Variants in PRKG1 observed in about 807,000 individuals in gnomAD.
PRKG1 encodes cGMP-dependent protein kinase 1.
Under a neutral mutation model 88.1 loss-of-function variants are expected in PRKG1, and 35 were observed. That is an observed-to-expected ratio of 0.40 (90% confidence interval 0.30 to 0.53). The LOEUF (loss-of-function observed/expected upper bound fraction) is 0.53, where lower values mean the gene tolerates loss of function less well. Ranked by LOEUF, PRKG1 falls within the 20% of genes least tolerant of loss-of-function variation. The pLI is 0.59. For missense variants in PRKG1, 540 were observed against 839.8 expected (o/e 0.64, Z 4.41); for synonymous variants, 303 against 292.5 (o/e 1.04, Z -0.37).
intron 9 of PRKG1, among the ~76,000 whole-genome samples, chr10:52,191,463 T>A (rs879322262): frequency 6.6e-6 from 1 of 152,052 alleles, no homozygotes; most frequent in Non-Finnish European, 1.5e-5. Context: ...CCACTGAACA[T>A]GGCCTGGGTT....
At chr10:51,441,145 A>C (rs1839092810) in intron 2 of PRKG1, among the ~76,000 whole-genome samples, 1 of 151,826 alleles carries the variant, frequency 6.6e-6, no homozygotes, top group Non-Finnish European at 1.5e-5. Flanking sequence ...TTGGTGTTGG[A>C]TGGTGACCAT....
chr10:52,024,327 T>A (rs1216676230), intron 5 of PRKG1, among the ~76,000 whole-genome samples: 2 of 149,126 alleles, frequency 1.3e-5, no homozygotes, highest in Non-Finnish European at 3.0e-5. Context: ...CTTTTTTTTT[T>A]ATTCTTTTTT....
chr10:51,152,751 T>C (rs555023949), intron 1 of PRKG1, among the ~76,000 whole-genome samples: 82 of 152,148 alleles, frequency 5.4e-4, no homozygotes, highest in Admixed American at 1.4e-3. Context: ...CTTTTATAAA[T>C]ATAAACAGTA....
intron 4 of PRKG1, among the ~76,000 whole-genome samples, chr10:51,872,106 C>T (rs765369963): frequency 7.9e-5 from 12 of 152,278 alleles, no homozygotes; most frequent in East Asian, 3.9e-4. Context: ...ACTTCATCTC[C>T]GCCTCTCCTC....
At chr10:51,127,967 G>A (rs1450546493) in intron 1 of PRKG1, among the ~76,000 whole-genome samples, 2 of 152,022 alleles carry the variant, frequency 1.3e-5, no homozygotes, top group African/African-American at 2.4e-5. Context: ...CAGGGGTGGG[G>A]GGCAAGGGAA....
At chr10:51,185,817 CCTT>C (rs1837470409) in intron 2 of PRKG1, among the ~76,000 whole-genome samples, 1 of 151,122 alleles carries the variant, frequency 6.6e-6, no homozygotes, top group South Asian at 2.1e-4. Flanking sequence ...TTCTATGTAT[CCTT>C]CTCTCTCATT....
At chr10:51,460,083 A>G (rs10740276) in intron 2 of PRKG1, among the ~76,000 whole-genome samples, 30,591 of 151,944 alleles carry the variant, frequency 0.2, 3,294 homozygotes, top group Admixed American at 0.32. Flanking sequence ...TGGGGGCACT[A>G]TCTTCTGCAT....
chr10:51,962,895 G>A (rs1437275841), intron 5 of PRKG1, among the ~76,000 whole-genome samples: 1 of 152,190 alleles, frequency 6.6e-6, no homozygotes, highest in Non-Finnish European at 1.5e-5. Flanking sequence ...GGTGAGATGA[G>A]TGGGGGAAAT....
At chr10:52,279,756 C>T (rs1227022438) in intron 12 of PRKG1, among the ~76,000 whole-genome samples, 1 of 152,058 alleles carries the variant, frequency 6.6e-6, no homozygotes, top group Admixed American at 6.6e-5. Context: ...AATAAAATCA[C>T]TTGTGTGCTT....
At chr10:52,230,527 C>T (rs574544274) in intron 9 of PRKG1, among the ~76,000 whole-genome samples, 65 of 152,278 alleles carry the variant, frequency 4.3e-4, no homozygotes, top group Admixed American at 7.2e-4. Flanking sequence ...AATTAAGTAG[C>T]TTGTTTAGGT....
chr10:51,214,714 G>A (rs1838324566), intron 2 of PRKG1, among the ~76,000 whole-genome samples: 1 of 151,990 alleles, frequency 6.6e-6, no homozygotes, highest in African/African-American at 2.4e-5. Context: ...CTGAGCTCAA[G>A]CAGTCCTCCC....
chr10:51,723,542 A>G (rs1360987853), intron 3 of PRKG1, among the ~76,000 whole-genome samples: 1 of 152,190 alleles, frequency 6.6e-6, no homozygotes, highest in Non-Finnish European at 1.5e-5. Flanking sequence ...TGATGGGTGC[A>G]GCAAACCACC....
At chr10:52,135,365 C>T (rs1475379830) in intron 8 of PRKG1, among the ~76,000 whole-genome samples, 2 of 152,066 alleles carry the variant, frequency 1.3e-5, no homozygotes, top group African/African-American at 4.8e-5. Flanking sequence ...CACTGGTTCA[C>T]TGAGAAAATT....
intron 3 of PRKG1, among the ~76,000 whole-genome samples, chr10:51,755,920 C>A (rs1022413107): frequency 6.6e-6 from 1 of 152,192 alleles, no homozygotes; most frequent in Non-Finnish European, 1.5e-5. Context: ...GAAGCCAACC[C>A]ATTTCTTCTT....
intron 2 of PRKG1, chr10:51,319,891 A>T (rs747279715): frequency 1.8e-5 from 3 of 163,696 alleles, no homozygotes; most frequent in South Asian, 1.8e-4. Context: ...CAGGAAGTGG[A>T]CAGGGTGACT....
chr10:51,449,965 A>G (rs1357806775), intron 2 of PRKG1, among the ~76,000 whole-genome samples: 1 of 151,972 alleles, frequency 6.6e-6, no homozygotes, highest in Admixed American at 6.6e-5. Flanking sequence ...ATCTGGAAAC[A>G]CAGAAAAAGA....
At chr10:52,290,396 C>A in intron 17 of PRKG1, 106 bp downstream of exon 17, 1 of 948,448 alleles carries the variant, frequency 1.1e-6, no homozygotes, top group Non-Finnish European at 1.5e-6. Context: ...TTAAGTTAAA[C>A]AAACTCTAGG....
chr10:52,135,207 G>C (rs1033115847), intron 8 of PRKG1, among the ~76,000 whole-genome samples: 1 of 152,020 alleles, frequency 6.6e-6, no homozygotes, highest in Non-Finnish European at 1.5e-5. Context: ...GTGTTAAGTG[G>C]ATGTGGAAGT....
intron 9 of PRKG1, among the ~76,000 whole-genome samples, chr10:52,248,043 C>G (rs1023051691): frequency 6.6e-6 from 1 of 152,224 alleles, no homozygotes; most frequent in African/African-American, 2.4e-5. Flanking sequence ...TAAAGAAATA[C>G]GTTGGGCTAG....
Sources: allele counts gnomAD v4.1 joint callset (sites outside exome capture counted in the v4.1 genomes callset), GRCh38; gene constraint gnomAD v4.1.1; transcripts MANE v1.5; gene names NCBI Gene and HGNC (gene_info 2026-07-23, HGNC 2026-07-21).